PI4KA: variants seen among roughly 807,000 people sequenced by gnomAD.
PI4KA encodes the protein phosphatidylinositol 4-kinase alpha, also known as PI4-kinase alpha.
PI4KA carries 122 observed loss-of-function variants against 271.4 expected under a neutral mutation model. The ratio of observed to expected loss-of-function variants is 0.45; its 90% confidence interval spans 0.39 to 0.52. The LOEUF (loss-of-function observed/expected upper bound fraction) is 0.52. Among genes scored for constraint, PI4KA ranks in the 20% least tolerant of loss-of-function variants. The probability of loss-of-function intolerance (pLI) is 0.00; values close to 1 mark genes in which losing one functional copy is unlikely to be tolerated. For synonymous variants in PI4KA, 1,041 were observed against 1,078.8 expected (o/e 0.96, Z 0.69); for missense variants, 1,969 against 2,769.1 (o/e 0.71, Z 6.48).
chr22:20,786,707 C>T (rs1329860966), intron 19 of PI4KA, among the ~76,000 whole-genome samples: 1 of 152,124 alleles, frequency 6.6e-6, no homozygotes, highest in African/African-American at 2.4e-5. Context: ...GCAACGGCTG[C>T]CCCTGACAGG....
chr22:20,851,151 G>A lies in PI4KA; in HGVS notation c.156+7419C>T, dbSNP rs1209041998. 4.6e-5 allele frequency among the ~76,000 whole-genome samples: 7 copies of A among 151,890 alleles called. No homozygotes were observed. The South Asian group carries it at 1.5e-3, about 32-fold the overall frequency. ...GAAGTGGGCAGACGGCTTGAGCCCT[G>A]GAATTTGAGACCAGCTTGGGCAACA... On this transcript the variant is annotated intron_variant, in intron 1 of 54. Transcript: ENST00000255882.
At chr22:20,719,206 T>G (rs1195114907) in intron 43 of PI4KA, among the ~76,000 whole-genome samples, 2 of 151,818 alleles carry the variant, frequency 1.3e-5, no homozygotes, top group Non-Finnish European at 2.9e-5. Context: ...GGTGAAGCAA[T>G]GAAAACTAAT....
intron 30 of PI4KA, among the ~76,000 whole-genome samples, chr22:20,743,946 C>T (rs1047304408): frequency 8.5e-5 from 13 of 152,088 alleles, no homozygotes; most frequent in Admixed American, 3.9e-4. Context: ...CCCAGCTACT[C>T]GGGAGGCTGA....
intron 19 of PI4KA, chr22:20,787,205 C>T (rs1345587161): frequency 3.9e-6 from 3 of 777,222 alleles, no homozygotes; most frequent in Non-Finnish European, 6.5e-6. Context: ...ATGAGAGGAG[C>T]TTAGAAACGA....
intron 17 of PI4KA, 138 bp from the exon 18 acceptor site, chr22:20,796,452 A>C: frequency 1.5e-6 from 1 of 675,802 alleles, no homozygotes; most frequent in Non-Finnish European, 2.5e-6. Context: ...CTGTAAACCA[A>C]AGAACTCTCA....
chr22:20,846,443 T>C (rs993053604), intron 1 of PI4KA, among the ~76,000 whole-genome samples: 9 of 151,132 alleles, frequency 6.0e-5, no homozygotes, highest in African/African-American at 2.2e-4. Flanking sequence ...AACCAAATAC[T>C]GCACGTTCTC....
rs908919473 is a variant in PI4KA, at chr22:20,709,776, C to T, written c.6173+132G>A. On this transcript the variant is annotated intron_variant, in intron 53 of 54. Coordinates refer to ENST00000255882, the MANE Select transcript of PI4KA (RefSeq NM_058004.4). ...TAGGGGCAGAGCCTCACCCAAGAAC[C>T]CTGTCTGCTCTGAGGTTCCAAGGAG... 8 of 641,758 alleles carry T rather than the reference C, an allele frequency of 1.2e-5. 2 individuals are homozygous for T. The African/African-American group carries it at 1.8e-4, about 15-fold the overall frequency. The allele number at this position is 641,758 out of a possible 1,614,324, so 39.8% of individuals were successfully genotyped here.
chr22:20,742,951 TTA>T, intron 30 of PI4KA, 187 bp from the exon 31 acceptor site: 8 of 582,342 alleles, frequency 1.4e-5, no homozygotes, highest in Non-Finnish European at 1.2e-5. Context: ...TTTTTTTTTT[TTA>T]AAGAACAGCT....
intron 1 of PI4KA, among the ~76,000 whole-genome samples, chr22:20,846,028 C>T (rs1350763224): frequency 1.3e-5 from 2 of 151,896 alleles, no homozygotes; most frequent in African/African-American, 4.8e-5. Context: ...GAGGCCGAGG[C>T]GGGCGGATCA....
intron 19 of PI4KA, chr22:20,779,868 T>A: frequency 1.9e-6 from 3 of 1,614,248 alleles, no homozygotes; most frequent in Non-Finnish European, 2.5e-6. Flanking sequence ...TTTTAAAGAC[T>A]TTGTTAATGC....
rs1400941067 is a variant in PI4KA, at chr22:20,744,681, C to T, written c.3403G>A (p.Asp1135Asn). ...LSERPACVKKDYSNFMASLNL... is the reference protein window; with the variant it reads ...LSERPACVKKNYSNFMASLNL... ...AGGGATGCCATGAAGTTGGAGTAGTCTTTCTTCACACAGGCCGGGCGCTCG... is the reference window on the plus strand; with the variant it reads ...AGGGATGCCATGAAGTTGGAGTAGTTTTTCTTCACACAGGCCGGGCGCTCG... The change falls in exon 30 of 55, where the codon GAC becomes AAC. Residue 1135 changes from aspartate to asparagine, a missense_variant. This residue lies in a region of PI4KA where 203 missense variants were observed against 256.8 expected (regional missense o/e 0.79). Coordinates refer to ENST00000255882, the MANE Select transcript of PI4KA (RefSeq NM_058004.4). 1.9e-6 allele frequency: 3 copies of T among 1,614,226 alleles called. No individual in the cohort carries two copies. Among genetic ancestry groups the T allele is most frequent in the Non-Finnish European group, 2.5e-6 (3 of 1,180,046 alleles).
At chr22:20,765,561 C>A in intron 20 of PI4KA, 24 bp downstream of exon 20, 1 of 1,477,380 alleles carries the variant, frequency 6.8e-7, no homozygotes, top group African/African-American at 1.4e-5. Flanking sequence ...TCCGTCTTCA[C>A]TGGGAGAGAG....
chr22:20,830,281 G>A (rs545428095), intron 3 of PI4KA, among the ~76,000 whole-genome samples: 2 of 152,280 alleles, frequency 1.3e-5, no homozygotes, highest in East Asian at 3.9e-4. Flanking sequence ...CCTCTTCATA[G>A]GTCTCTAAGA....
rs1288159504 is a variant in PI4KA, at chr22:20,749,900, A to T, written c.3243+5T>A. The T allele has an allele frequency of 4.4e-6, 7 of 1,582,216 alleles. No homozygotes were observed. The African/African-American group carries it at 5.4e-5, about 12-fold the overall frequency. ...TGGCAATTGCCTTTTGATGGTTTCA[A>T]GTACCTGCAGGTGGGACTTGGTGAC... On this transcript the variant is annotated splice_donor_5th_base_variant and intron_variant, in intron 28 of 54. Transcript: ENST00000255882.
At chr22:20,789,764 C>T (rs895467921) in intron 19 of PI4KA, among the ~76,000 whole-genome samples, 1 of 152,188 alleles carries the variant, frequency 6.6e-6, no homozygotes, top group Non-Finnish European at 1.5e-5. Context: ...CATTTAACTT[C>T]CTGAGGTTAC....
At chr22:20,725,359 G>A (rs1927220129) in intron 42 of PI4KA, 1 of 252,360 alleles carries the variant, frequency 4.0e-6, no homozygotes. Context: ...GACCTGTGCT[G>A]AGCACTTTAT....
At chr22:20,827,562 A>G (rs184864224) in intron 3 of PI4KA, among the ~76,000 whole-genome samples, 3 of 152,272 alleles carry the variant, frequency 2.0e-5, no homozygotes, top group East Asian at 1.9e-4. Context: ...AAATTTTAAA[A>G]TAGTTTTTTT....
chr22:20,810,263 T>C (rs761193051), intron 9 of PI4KA, among the ~76,000 whole-genome samples: 1 of 151,994 alleles, frequency 6.6e-6, no homozygotes, highest in Non-Finnish European at 1.5e-5. Context: ...TCCCAGCACT[T>C]TGGGAGGCAG....
rs373792933 is a variant in PI4KA at position 20,834,555 on chromosome 22, C to T, written c.367+7G>A. ...TTATATTCAGGGAAAACATTATATA[C>T]AATTACCTCTGCCTTTCCGAGCTGT... On this transcript the variant is annotated splice_region_variant and intron_variant, in intron 3 of 54. Coordinates refer to ENST00000255882, the MANE Select transcript of PI4KA (RefSeq NM_058004.4). The T allele has an allele frequency of 1.5e-5, 23 of 1,533,202 alleles. No individual in the cohort carries two copies. The African/African-American group carries it at 2.9e-4, about 19-fold the overall frequency. 95.0% of individuals were successfully genotyped at this position (1,533,202 alleles called of 1,614,324 possible). A position where few individuals can be genotyped will look rare whatever the true frequency, so the allele number is the denominator to read the frequency against.
Sources: gnomAD v4.1 joint callset for allele counts (sites outside exome capture counted in the v4.1 genomes callset) on GRCh38, gnomAD v4.1.1 for gene constraint, gnomAD v4.1.1 regional missense constraint, MANE v1.5 for transcripts, NCBI Gene and HGNC (gene_info 2026-07-23, HGNC 2026-07-21) for gene names.